Variants in TAF5 observed in about 807,000 individuals in gnomAD.
The protein encoded by TAF5 is transcription initiation factor TFIID subunit 5.
A neutral mutation model predicts 80.9 loss-of-function variants in TAF5; 20 were observed. The ratio of observed to expected loss-of-function variants is 0.25; its 90% CI spans 0.17 to 0.36. The LOEUF (loss-of-function observed/expected upper bound fraction) is 0.36, where lower values mean the gene tolerates loss of function less well. TAF5 is among the 10% of genes least tolerant of loss of function. The pLI is 1.00. For synonymous variants in TAF5, 388 were observed against 406.4 expected (o/e 0.95, Z 0.55); for missense variants, 863 against 1,029.4 (o/e 0.84, Z 2.21).
intron 7 of TAF5, among the ~76,000 whole-genome samples, chr10:103,384,835 A>G (rs926516303): frequency 1.3e-5 from 2 of 152,104 alleles, no homozygotes; most frequent in African/African-American, 2.4e-5. Flanking sequence ...AAGGTAGAGA[A>G]TTATTAGCAT....
At chr10:103,371,940 TG>T (rs2093360455) in intron 1 of TAF5, among the ~76,000 whole-genome samples, 1 of 148,540 alleles carries the variant, frequency 6.7e-6, no homozygotes, top group Admixed American at 6.8e-5. Flanking sequence ...TCCTTGTTAT[TG>T]TTTTTTTTTT....
Position 103,369,125 on chromosome 10 carries a change from CCTA to C in TAF5, c.559+580_559+582del, listed in dbSNP as rs1346647385. Among the ~76,000 whole-genome samples, 8 of 151,486 alleles carry C rather than the reference CCTA, an allele frequency of 5.3e-5. No homozygotes were observed. In the East Asian group the frequency reaches 1.4e-3, roughly 26 times the overall value. On this transcript the variant is annotated intron_variant, in intron 1 of 10. Coordinates refer to ENST00000369839, the MANE Select transcript of TAF5 (RefSeq NM_006951.5). ...TCCCGCGTAGGTGGGACTACAGGCT[CCTA>C]CTGCCACGGCCGGCTAATTTTTGTA...
chr10:103,383,616 T>C (rs2093388316), intron 7 of TAF5, among the ~76,000 whole-genome samples: 1 of 150,580 alleles, frequency 6.6e-6, no homozygotes, highest in Non-Finnish European at 1.5e-5. Context: ...TTCGCTCTTG[T>C]TGCCCAGGTT....
rs779058784 is a variant in TAF5, at chr10:103,368,062, C to T, written c.73C>T (p.Pro25Ser). 58 of 1,432,520 alleles carry T rather than the reference C, an allele frequency of 4.0e-5. No individual in the cohort carries two copies. Among genetic ancestry groups the T allele is most frequent in the Non-Finnish European group, 4.5e-5 (49 of 1,095,186 alleles). 88.7% of individuals were successfully genotyped at this position (1,432,520 alleles called of 1,614,324 possible). The stretch of plus-strand genomic sequence containing the variant: ...GCCTGAGGGACCGCCAACGCTGCTA[C>T]CTCCGCAGGCGGGGGACGGCGCAGG... The part of the protein sequence containing the change: ...LEPEGPPTLL[P>S]PQAGDGAGEG... Residue 25 changes from proline to serine, a missense_variant, in exon 1 of 11, where the codon CCT (proline) becomes TCT (serine). Pro to Ser is a moderately conservative substitution (Grantham distance 74). Transcript: ENST00000369839.
intron 1 of TAF5, among the ~76,000 whole-genome samples, chr10:103,370,325 CTTT>C (rs758002426): frequency 1.6e-4 from 14 of 88,912 alleles, no homozygotes; most frequent in African/African-American, 5.0e-4. Context: ...GGTTATGAGG[CTTT>C]TTTTTTTTTT....
chr10:103,379,235 T>G (rs1333182976), intron 3 of TAF5, among the ~76,000 whole-genome samples: 1 of 152,224 alleles, frequency 6.6e-6, no homozygotes, highest in Non-Finnish European at 1.5e-5. Context: ...TGTTGCAGTT[T>G]CAGCATTGCA....
chr10:103,373,527 G>A lies in TAF5; in HGVS notation c.729G>A (p.Leu243=), dbSNP rs781781591. The A allele has an allele frequency of 6.2e-7, 1 of 1,614,146 alleles. No individual in the cohort carries two copies. The highest frequency in any genetic ancestry group is 1.1e-5 in the South Asian group (1 of 91,074). ...RAELSQLFYP[L]FVHMYLELVY... is the part of the protein sequence containing the mutation. ...AGTTGTCCCAACTTTTTTATCCTCTGTTTGTGCACATGTACTTGGAGCTAG... is the reference window on the plus strand; with the variant it reads ...AGTTGTCCCAACTTTTTTATCCTCTATTTGTGCACATGTACTTGGAGCTAG... Residue 243 remains leucine (L), a synonymous_variant, in exon 2 of 11, where the codon CTG becomes CTA. Coordinates refer to ENST00000369839, the MANE Select transcript of TAF5 (RefSeq NM_006951.5).
chr10:103,377,271 G>C (rs1405955623), intron 2 of TAF5, among the ~76,000 whole-genome samples: 1 of 152,148 alleles, frequency 6.6e-6, no homozygotes, highest in Non-Finnish European at 1.5e-5. Context: ...CCCTTGCCAG[G>C]ACCCCATCAC....
intron 1 of TAF5, among the ~76,000 whole-genome samples, chr10:103,372,623 C>T (rs1278171824): frequency 1.3e-5 from 2 of 150,532 alleles, no homozygotes; most frequent in Non-Finnish European, 3.0e-5. Context: ...CGGGAGCCAC[C>T]GCACCCGGCG....
chr10:103,373,563 A>T lies in TAF5; in HGVS notation c.765A>T (p.Gln255His). The T allele has an allele frequency of 6.2e-7, 1 of 1,614,088 alleles. No homozygotes were observed. Among genetic ancestry groups the T allele is most frequent in the Non-Finnish European group, 8.5e-7 (1 of 1,180,012 alleles). ...VHMYLELVYN[Q>H]HENEAKSFFE... is the part of the protein sequence containing the mutation. The stretch of plus-strand genomic sequence containing the variant: ...TGTACTTGGAGCTAGTCTACAATCA[A>T]CATGAGAATGAAGCAAAGTCATTCT... Residue 255 changes from glutamine (Q) to histidine (H), a missense_variant, in exon 2 of 11, where the codon CAA (glutamine) becomes CAT (histidine). Physicochemically the swap from Gln to His is conservative, Grantham distance 24. Coordinates refer to ENST00000369839, the MANE Select transcript of TAF5 (RefSeq NM_006951.5).
chr10:103,379,515 C>G (rs1380153957), intron 3 of TAF5, 93 bp from the exon 4 acceptor site: 11 of 1,126,606 alleles, frequency 9.8e-6, no homozygotes, highest in Non-Finnish European at 1.2e-6. Flanking sequence ...GTGTAAATTA[C>G]TATTTTGTAA....
Position 103,368,120 on chromosome 10 carries a change from C to T in TAF5, c.131C>T (p.Pro44Leu). 5.7e-6 allele frequency: 8 copies of T among 1,404,594 alleles called. No individual in the cohort carries two copies. Among genetic ancestry groups the T allele is most frequent in the Non-Finnish European group, 6.5e-6 (7 of 1,079,960 alleles). 87.0% of individuals were successfully genotyped at this position (1,404,594 alleles called of 1,614,324 possible). A position where few individuals can be genotyped will look rare whatever the true frequency, so the allele number is the denominator to read the frequency against. Residue 44 changes from proline to leucine, a missense_variant, in exon 1 of 11, where the codon CCC becomes CTC. Around this residue, in one of 3 missense-constraint regions of TAF5, gnomAD observed 367 missense variants for 335.5 expected, o/e 1.09. Transcript: ENST00000369839. ...EGSGGTTNNG[P>L]NGGGGNVAAS... ...AGCGGCGGCACTACCAACAACGGCC[C>T]CAACGGCGGCGGCGGGAACGTTGCG...
At chr10:103,386,727 C>T (rs949204325) in intron 8 of TAF5, among the ~76,000 whole-genome samples, 6 of 151,014 alleles carry the variant, frequency 4.0e-5, no homozygotes, top group Non-Finnish European at 5.9e-5. Context: ...GCAGTGTCGC[C>T]ATCTCGGCTC....
At chr10:103,387,878 G>GA in intron 10 of TAF5, 128 bp from the exon 11 acceptor site, 1 of 1,101,338 alleles carries the variant, frequency 9.1e-7, no homozygotes. Context: ...CCTTAGGAAG[G>GA]AATAGAGTTA....
At position 103,388,175 on chromosome 10, in the gene TAF5, T is replaced by C. The variant is rs2133640503; in HGVS notation, c.2355T>C (p.Phe785=). Residue 785 remains phenylalanine (F), a synonymous_variant, in exon 11 of 11, where the codon TTT becomes TTC. Transcript: ENST00000369839. ...TKSTPVVHLH[F]TRRNLVLAAG... ...CAACACCAGTTGTACACCTTCATTT[T>C]ACTCGAAGAAACCTGGTTCTAGCTG... 1 of 1,614,040 alleles carries C rather than the reference T, an allele frequency of 6.2e-7. No individual in the cohort carries two copies. The highest frequency in any genetic ancestry group is 1.7e-5 in the Admixed American group (1 of 60,026).
intron 6 of TAF5, 62 bp from the exon 7 acceptor site, chr10:103,383,176 G>A: frequency 7.0e-7 from 1 of 1,437,930 alleles, no homozygotes; most frequent in Non-Finnish European, 9.3e-7. Context: ...ACTGTGATAT[G>A]ATTACTTTAA....
chr10:103,372,203 G>A (rs887535595), intron 1 of TAF5, among the ~76,000 whole-genome samples: 11 of 151,916 alleles, frequency 7.2e-5, no homozygotes, highest in Non-Finnish European at 1.5e-4. Context: ...TCAAAGTGCT[G>A]GGATTACAGG....
chr10:103,380,128 C>A, intron 5 of TAF5, 109 bp downstream of exon 5: 2 of 1,288,252 alleles, frequency 1.6e-6, no homozygotes, highest in Non-Finnish European at 2.1e-6. Flanking sequence ...GTTATTTAAA[C>A]TCCTTTTTTT....
intron 1 of TAF5, among the ~76,000 whole-genome samples, chr10:103,372,117 A>G (rs944040292): frequency 4.0e-5 from 6 of 150,268 alleles, no homozygotes; most frequent in African/African-American, 7.4e-5. Context: ...TTGTATTTTT[A>G]GTAGAGACGG....
Sources: allele counts gnomAD v4.1 joint callset (sites outside exome capture counted in the v4.1 genomes callset), GRCh38; gene constraint gnomAD v4.1.1; regional missense constraint gnomAD v4.1.1; transcripts MANE v1.5; gene names NCBI Gene and HGNC (gene_info 2026-07-23, HGNC 2026-07-21).